CXXC1: variants seen among roughly 807,000 people sequenced by gnomAD.
CXXC1 encodes CXXC finger protein 1.
In CXXC1, 21 loss-of-function variants were observed where a neutral mutation model predicts 83.6. That is an observed-to-expected ratio of 0.25 (90% CI 0.18 to 0.36). The LOEUF is 0.36. CXXC1 is among the 10% of genes least tolerant of loss of function. The pLI, the probability that CXXC1 is intolerant of heterozygous loss-of-function variation, is 1.00. For missense variants in CXXC1, 688 were observed against 919.5 expected (o/e 0.75, Z 3.26); for synonymous variants, 371 against 337.5 (o/e 1.10, Z -1.09).
intron 1 of CXXC1, chr18:50,287,326 C>T (rs2040730827): frequency 1.1e-5 from 6 of 551,516 alleles, no homozygotes; most frequent in South Asian, 2.2e-5. Flanking sequence ...ACCCGCTTAT[C>T]CCTCTGCCCT....
Position 50,283,936 on chromosome 18 carries a change from G to C in CXXC1, c.1371C>G (p.Ile457Met), listed in dbSNP as rs2040670393. Residue 457 changes from isoleucine to methionine, a missense_variant, in exon 10 of 15, where the codon ATC (isoleucine) becomes ATG (methionine). Around this residue, in one of 9 missense-constraint regions of CXXC1, gnomAD observed 100 missense variants for 142.5 expected, o/e 0.70. Transcript: ENST00000285106. ...MERRFHELEAIILRAKQQAVR... is the reference protein window; with the variant it reads ...MERRFHELEAMILRAKQQAVR... ...CAGCCTGCTGCTTGGCACGTAGAAT[G>C]ATGGCCTCAAGCTCATGGAATCGGC... is the stretch of plus-strand genomic sequence containing the variant. 1.2e-6 allele frequency: 2 copies of C among 1,613,950 alleles called. No homozygotes were observed. Among genetic ancestry groups the C allele is most frequent in the African/African-American group, 1.3e-5 (1 of 74,930 alleles).
chr18:50,282,628 G>C lies in CXXC1; in HGVS notation c.1936C>G (p.Leu646Val). Residue 646 changes from leucine to valine, a missense_variant, in exon 15 of 15, where the codon CTC becomes GTC. Leu to Val is a conservative substitution (Grantham distance 32, BLOSUM62 1). Around this residue, in one of 9 missense-constraint regions of CXXC1, gnomAD observed 34 missense variants for 27.0 expected, o/e 1.26. Transcript: ENST00000285106. The surrounding 1 kb of genome is among the most constrained non-coding windows in gnomAD (Gnocchi z 5.8). ...MLHQTIQHDP[L>V]TTDLRSSADR Reference sequence around the variant, plus strand: ...GCACTGGAGCGCAGGTCGGTAGTGAGGGGATCGTGCTGGATCGTCTGGTGC... The same window carrying C: ...GCACTGGAGCGCAGGTCGGTAGTGACGGGATCGTGCTGGATCGTCTGGTGC... The C allele has an allele frequency of 6.2e-7, 1 of 1,612,044 alleles. No individual in the cohort carries two copies.
Position 50,283,750 on chromosome 18 carries a change from G to A in CXXC1, c.1479C>T (p.Ile493=), listed in dbSNP as rs1379955308. ...TGTGGCGCAAGGCAACACGTGGGTT[G>A]ATGGGGTGCCCACAGGAAACACAGA... The part of the protein sequence containing the change: ...QIFCVSCGHP[I]NPRVALRHME... The change falls in exon 11 of 15, where the codon ATC becomes ATT. Residue 493 remains isoleucine, a synonymous_variant. Transcript: ENST00000285106. 8.1e-6 allele frequency: 13 copies of A among 1,614,244 alleles called. No individual in the cohort carries two copies. Among genetic ancestry groups the A allele is most frequent in the Non-Finnish European group, 1.0e-5 (12 of 1,180,040 alleles).
At position 50,282,702 on chromosome 18, in the gene CXXC1, T is replaced by C. The variant is rs780187554; in HGVS notation, c.1862A>G (p.Asn621Ser). ...GCGGTTTGTCATGGCTGTGCGCACA[T>C]TGCGCTCCTGCTCAAACAGCTCGTC... is the stretch of plus-strand genomic sequence containing the variant. ...KLDELFEQER[N>S]VRTAMTNRAG... Residue 621 changes from asparagine (N) to serine (S), a missense_variant, in exon 15 of 15, where the codon AAT (asparagine) becomes AGT (serine). Around this residue, in one of 9 missense-constraint regions of CXXC1, gnomAD observed 114 missense variants for 173.3 expected, o/e 0.66. Transcript: ENST00000285106. This position sits in a 1 kb window ranked among gnomAD's most constrained non-coding sequence, Gnocchi z 5.8. The C allele has an allele frequency of 1.9e-6, 3 of 1,613,910 alleles. No individual in the cohort carries two copies. The highest frequency in any genetic ancestry group is 2.5e-6 in the Non-Finnish European group (3 of 1,180,030).
Position 50,283,972 on chromosome 18 carries a change from C to A in CXXC1, c.1335G>T (p.Gln445His). The A allele has an allele frequency of 6.2e-7, 1 of 1,613,890 alleles. No homozygotes were observed. Among genetic ancestry groups the A allele is most frequent in the Non-Finnish European group, 8.5e-7 (1 of 1,179,996 alleles). The change falls in exon 10 of 15, where the codon CAG becomes CAT. Residue 445 changes from glutamine to histidine, a missense_variant. Physicochemically the swap from Gln to His is conservative, Grantham distance 24 (BLOSUM62 0). Coordinates refer to ENST00000285106, the MANE Select transcript of CXXC1 (RefSeq NM_014593.4). ...REQQSARTRL[Q>H]EMERRFHELE... is the part of the protein sequence containing the mutation. ...GCTCATGGAATCGGCGTTCCATTTC[C>A]TGAAGGCGAGTGCGGGCACTCTGCT...
At chr18:50,286,930 A>C (rs2040724448) in intron 1 of CXXC1, 72 bp from the exon 2 acceptor site, 1 of 1,074,730 alleles carries the variant, frequency 9.3e-7, no homozygotes, top group Admixed American at 1.7e-5. Flanking sequence ...TTACAACTCC[A>C]CCGTGGTCAG....
Position 50,285,959 on chromosome 18 carries a change from G to T in CXXC1, c.460-31C>A, listed in dbSNP as rs1278823421. 21 of 1,613,888 alleles carry T rather than the reference G, an allele frequency of 1.3e-5. No individual in the cohort carries two copies. Among genetic ancestry groups the T allele is most frequent in the Non-Finnish European group, 1.7e-5 (20 of 1,180,016 alleles). On this transcript the variant is annotated intron_variant, in intron 4 of 14. Transcript: ENST00000285106. This position sits in a 1 kb window ranked among gnomAD's most constrained non-coding sequence, Gnocchi z 4.4. Reference sequence around the variant, plus strand: ...GGAGGGGGCCCAGAACAGAAATCATGGACCCAGGCAGGGCTGAAACGGAAC... The same window carrying T: ...GGAGGGGGCCCAGAACAGAAATCATTGACCCAGGCAGGGCTGAAACGGAAC...
rs1306897884 is a variant in CXXC1 at position 50,285,842 on chromosome 18, A to G, written c.546T>C (p.Gly182=). The change falls in exon 5 of 15, where the codon GGT becomes GGC. Residue 182 remains glycine, a synonymous_variant. Transcript: ENST00000285106. The surrounding 1 kb of genome is among the most constrained non-coding windows in gnomAD (Gnocchi z 4.4). The part of the protein sequence containing the change: ...CEACRRTEDC[G]HCDFCRDMKK... ...TCATGTCCCGACAGAAATCACAGTG[A>G]CCACAGTCCTCAGTGCGCCGACATG... The G allele has an allele frequency of 2.5e-6, 4 of 1,614,172 alleles. No homozygotes were observed. Among genetic ancestry groups the G allele is most frequent in the Non-Finnish European group, 1.7e-6 (2 of 1,180,030 alleles).
intron 9 of CXXC1, 135 bp downstream of exon 9, chr18:50,284,243 T>C: frequency 1.4e-6 from 2 of 1,442,006 alleles, no homozygotes; most frequent in South Asian, 1.3e-5. Flanking sequence ...GGTGGGTGGG[T>C]AGGTGGATGG....
Position 50,285,206 on chromosome 18 carries a change from G to T in CXXC1, c.708C>A (p.Arg236=), listed in dbSNP as rs574754162. Residue 236 remains arginine, a synonymous_variant, in exon 7 of 15, where the codon CGC becomes CGA. Transcript: ENST00000285106. This position sits in a 1 kb window ranked among gnomAD's most constrained non-coding sequence, Gnocchi z 4.4. The part of the protein sequence containing the change: ...VTPSESLPRP[R]RPLPTQQQPQ... ...GCTGCTGTTGGGTGGGCAGTGGCCGGCGGGGCCTTGGCAGGGACTCTGAGG... is the reference window on the plus strand; with the variant it reads ...GCTGCTGTTGGGTGGGCAGTGGCCGTCGGGGCCTTGGCAGGGACTCTGAGG... The T allele has an allele frequency of 1.9e-6, 3 of 1,614,212 alleles. No homozygotes were observed. The South Asian group carries it at 3.3e-5, about 18-fold the overall frequency.
Position 50,285,581 on chromosome 18 carries a change from C to A in CXXC1, c.639+168G>T. 1 of 1,016,024 alleles carries A rather than the reference C, an allele frequency of 9.8e-7. No individual in the cohort carries two copies. The highest frequency in any genetic ancestry group is 1.6e-5 in the South Asian group (1 of 62,046). 62.9% of individuals were successfully genotyped at this position (1,016,024 alleles called of 1,614,324 possible). A position where few individuals can be genotyped will look rare whatever the true frequency, so the allele number is the denominator to read the frequency against. On this transcript the variant is annotated intron_variant, in intron 5 of 14. Transcript: ENST00000285106. This position sits in a 1 kb window ranked among gnomAD's most constrained non-coding sequence, Gnocchi z 4.4. ...TGGTGGGGGTGTTCTGCCAGCCCAG[C>A]ATACCAGGTCATGCCCCATTCATCT... is the stretch of plus-strand genomic sequence containing the variant.
chr18:50,287,605 GCA>G lies in CXXC1; in HGVS notation c.-18_-17del. ...TACTTACCATATCTCCGCTCCCGGC[GCA>G]CTCCCTCACGACCCCCGCCAGCGAC... On this transcript the variant is annotated 5_prime_UTR_variant, in exon 1 of 15. Coordinates refer to ENST00000285106, the MANE Select transcript of CXXC1 (RefSeq NM_014593.4). 6.2e-7 allele frequency: 1 copy of G among 1,610,720 alleles called. No individual in the cohort carries two copies. Among genetic ancestry groups the G allele is most frequent in the Non-Finnish European group, 8.5e-7 (1 of 1,179,774 alleles).
chr18:50,283,814 C>A lies in CXXC1; in HGVS notation c.1415G>T (p.Ser472Ile). ...KQQAVREDEESNEGDSDDTDL... is the reference protein window; with the variant it reads ...KQQAVREDEEINEGDSDDTDL... Reference sequence around the variant, plus strand: ...TGTGTCATCACTGTCACCCTCGTTGCTCTGCATGGAATGGAAGGAACAATA... The same window carrying A: ...TGTGTCATCACTGTCACCCTCGTTGATCTGCATGGAATGGAAGGAACAATA... The change falls in exon 11 of 15, where the codon AGC becomes ATC. Residue 472 changes from serine (S) to isoleucine (I), a missense_variant and splice_region_variant. Coordinates refer to ENST00000285106, the MANE Select transcript of CXXC1 (RefSeq NM_014593.4). 6.2e-7 allele frequency: 1 copy of A among 1,614,198 alleles called. No homozygotes were observed. Among genetic ancestry groups the A allele is most frequent in the Non-Finnish European group, 8.5e-7 (1 of 1,179,986 alleles).
chr18:50,284,134 G>A (rs1309004471), intron 9 of CXXC1, 33 bp from the exon 10 acceptor site: 1 of 1,585,582 alleles, frequency 6.3e-7, no homozygotes, highest in South Asian at 1.1e-5. Flanking sequence ...CAGAATGAGT[G>A]AGGTGATCAG....
chr18:50,287,187 A>G, intron 1 of CXXC1: 1 of 509,330 alleles, frequency 2.0e-6, no homozygotes, highest in Non-Finnish European at 3.6e-6. Context: ...TTCTCCACGC[A>G]CCCCTCCCTG....
At position 50,282,534 on chromosome 18, in the gene CXXC1, G is replaced by A. The variant is rs1034917183; in HGVS notation, c.*59C>T. On this transcript the variant is annotated 3_prime_UTR_variant, in exon 15 of 15. Transcript: ENST00000285106. The surrounding 1 kb of genome is among the most constrained non-coding windows in gnomAD (Gnocchi z 5.8). ...CAGATGAGTGGAGGAACGGACACACGGGCACCGGGCGGCTCCCCCATCTGG... is the reference window on the plus strand; with the variant it reads ...CAGATGAGTGGAGGAACGGACACACAGGCACCGGGCGGCTCCCCCATCTGG... 1.9e-6 allele frequency: 3 copies of A among 1,587,922 alleles called. No individual in the cohort carries two copies. Among genetic ancestry groups the A allele is most frequent in the Admixed American group, 1.7e-5 (1 of 59,816 alleles).
At chr18:50,287,008 C>T in intron 1 of CXXC1, 150 bp from the exon 2 acceptor site, 1 of 636,960 alleles carries the variant, frequency 1.6e-6, no homozygotes, top group Non-Finnish European at 2.8e-6. Context: ...TCACAGTCCC[C>T]ACTGACCCCC....
rs2040719161 is a variant in CXXC1, at chr18:50,286,621, A to G, written c.141T>C (p.Asn47=). 2 of 1,614,014 alleles carry G rather than the reference A, an allele frequency of 1.2e-6. No individual in the cohort carries two copies. Among genetic ancestry groups the G allele is most frequent in the Non-Finnish European group, 8.5e-7 (1 of 1,179,958 alleles). ...GGATGCAGTCCCCATGGAACCACTC[A>G]TTGCAGTTGTCACACCCGCTGCAGA... is the stretch of plus-strand genomic sequence containing the variant. ...NCFMIGCDNC[N]EWFHGDCIRI... The change falls in exon 3 of 15, where the codon AAT becomes AAC. Residue 47 remains asparagine (N), a synonymous_variant. Transcript: ENST00000285106.
Position 50,285,946 on chromosome 18 carries a change from G to A in CXXC1, c.460-18C>T, listed in dbSNP as rs754023928. ...TGGTGATGCTGCAGGAGGGGGCCCAGAACAGAAATCATGGACCCAGGCAGG... is the reference window on the plus strand; with the variant it reads ...TGGTGATGCTGCAGGAGGGGGCCCAAAACAGAAATCATGGACCCAGGCAGG... On this transcript the variant is annotated intron_variant, in intron 4 of 14. Transcript: ENST00000285106. This position sits in a 1 kb window ranked among gnomAD's most constrained non-coding sequence, Gnocchi z 4.4. The A allele has an allele frequency of 5.0e-6, 8 of 1,613,762 alleles. No homozygotes were observed. The highest frequency in any genetic ancestry group is 6.8e-6 in the Non-Finnish European group (8 of 1,180,026).
Sources: gnomAD v4.1 joint callset for allele counts on GRCh38, gnomAD v4.1.1 for gene constraint, gnomAD v4.1.1 regional missense constraint, Gnocchi (gnomAD v3.1) non-coding constraint, MANE v1.5 for transcripts, NCBI Gene and HGNC (gene_info 2026-07-23, HGNC 2026-07-21) for gene names.